Variants in SLC36A3 observed in about 807,000 individuals in gnomAD.
SLC36A3 encodes the protein proton-coupled amino acid transporter 3.
Under a neutral mutation model 44.3 loss-of-function variants are expected in SLC36A3, and 35 were observed. That is an observed-to-expected ratio of 0.79 (90% confidence interval 0.60 to 1.05). SLC36A3 has a LOEUF of 1.05. Ranked by LOEUF, SLC36A3 falls within the 50% of genes least tolerant of loss-of-function variation. The pLI is 0.00. For missense variants in SLC36A3, 540 were observed against 578.7 expected (o/e 0.93, Z 0.69); for synonymous variants, 211 against 227.6 (o/e 0.93, Z 0.66).
At chr5:151,290,810 G>A (rs1323836055) in intron 4 of SLC36A3, among the ~76,000 whole-genome samples, 2 of 152,026 alleles carry the variant, frequency 1.3e-5, no homozygotes, top group Non-Finnish European at 2.9e-5. Flanking sequence ...CAGGAGAATG[G>A]CATGAACCCG....
intron 7 of SLC36A3, 74 bp from the exon 8 acceptor site, chr5:151,284,284 G>A (rs538774451): frequency 2.0e-5 from 28 of 1,427,704 alleles, no homozygotes; most frequent in Middle Eastern, 1.8e-4. Context: ...GAGGGTTCCC[G>A]TACAAGCACA....
chr5:151,296,727 C>T (rs1458704638), intron 2 of SLC36A3: 1 of 160,476 alleles, frequency 6.2e-6, no homozygotes, highest in Non-Finnish European at 1.4e-5. Context: ...TTATCAGGAG[C>T]TGTCTTTTGC....
chr5:151,287,587 GAC>G (rs1203741145), intron 5 of SLC36A3, 123 bp from the exon 6 acceptor site: 1 of 866,554 alleles, frequency 1.2e-6, no homozygotes, highest in African/African-American at 1.7e-5. Flanking sequence ...TATTGCATAA[GAC>G]ACGCTCATAG....
At chr5:151,299,264 C>CTCTCTATATATATATA (rs1372309288) in intron 1 of SLC36A3, among the ~76,000 whole-genome samples, 28 of 59,642 alleles carry the variant, frequency 4.7e-4, no homozygotes, top group Middle Eastern at 0.01. Flanking sequence ...CTCTCTCTCT[C>CTCTCTATATATATATA]TATATATATA....
Position 151,277,637 on chromosome 5 carries a change from C to T in SLC36A3, c.1169G>A (p.Arg390His), listed in dbSNP as rs78176362. 7.4e-4 allele frequency: 1,194 copies of T among 1,613,992 alleles called. 3 individuals are homozygous for T. In the African/African-American group the frequency reaches 0.011, roughly 14 times the overall value. ...LTCVSAILIP[R>H]LDLVISLVGS... ...TACCAGGGAGATGACCAAGTCCAGG[C>T]GGGGGATGAGGATGGCTGAGACACC... Residue 390 changes from arginine to histidine, a missense_variant, in exon 10 of 10, where the codon CGC (arginine) becomes CAC (histidine). Coordinates refer to ENST00000335230, the MANE Select transcript of SLC36A3 (RefSeq NM_181774.4).
chr5:151,293,228 G>T, intron 4 of SLC36A3, 136 bp downstream of exon 4: 1 of 714,326 alleles, frequency 1.4e-6, no homozygotes, highest in Non-Finnish European at 2.3e-6. Context: ...TGGGGGATGG[G>T]GTTATCGAGG....
chr5:151,287,671 G>A (rs922933682), intron 5 of SLC36A3, among the ~76,000 whole-genome samples: 9 of 152,048 alleles, frequency 5.9e-5, no homozygotes, highest in Admixed American at 5.2e-4. Context: ...GCCAAATTGG[G>A]CAACCCTGTC....
intron 8 of SLC36A3, among the ~76,000 whole-genome samples, chr5:151,283,078 G>T (rs1754390992): frequency 6.6e-6 from 1 of 151,940 alleles, no homozygotes; most frequent in African/African-American, 2.4e-5. Context: ...CAGAGATGGG[G>T]TTTTGCCATG....
Position 151,281,649 on chromosome 5 carries a change from C to T in SLC36A3, c.975-466G>A, listed in dbSNP as rs945168179. On this transcript the variant is annotated intron_variant, in intron 8 of 9. Transcript: ENST00000335230. The stretch of plus-strand genomic sequence containing the variant: ...CCTGACCAATATGGTGAAAGCTCGT[C>T]TCTAATAAAAATACAAAAATTAGCT... Among the ~76,000 whole-genome samples, 5 of 152,072 alleles carry T rather than the reference C, an allele frequency of 3.3e-5. No individual in the cohort carries two copies. In the South Asian group the frequency reaches 8.3e-4, roughly 25 times the overall value.
chr5:151,298,645 A>G lies in SLC36A3; in HGVS notation c.167T>C (p.Ile56Thr). ...GGGAAGCCCCAGGAGCCCTGTGCCA[A>G]TGTTGCATTTCAACAAGTGGATCAA... The part of the protein sequence containing the change: ...QTLIHLLKCN[I>T]GTGLLGLPLA... The change falls in exon 2 of 10, where the codon ATT becomes ACT. Residue 56 changes from isoleucine to threonine, a missense_variant. By Grantham distance (89) the Ile-to-Thr change is moderately conservative. Coordinates refer to ENST00000335230, the MANE Select transcript of SLC36A3 (RefSeq NM_181774.4). 6.2e-7 allele frequency: 1 copy of G among 1,614,180 alleles called. No homozygotes were observed. The highest frequency in any genetic ancestry group is 1.3e-5 in the African/African-American group (1 of 75,038).
At position 151,288,615 on chromosome 5, in the gene SLC36A3, C is replaced by T. The variant is rs556635375; in HGVS notation, c.405-145G>A. The T allele has an allele frequency of 1.9e-4, 123 of 636,972 alleles. No individual in the cohort carries two copies. The South Asian group carries it at 3.5e-3, about 18-fold the overall frequency. 39.5% of individuals were successfully genotyped at this position (636,972 alleles called of 1,614,324 possible). On this transcript the variant is annotated intron_variant, in intron 4 of 9. Coordinates refer to ENST00000335230, the MANE Select transcript of SLC36A3 (RefSeq NM_181774.4). The stretch of plus-strand genomic sequence containing the variant: ...CTTTTATTTTGAAAAATTTTTAAGC[C>T]AAAAAGTTGAAAGAATAGTATAATT...
chr5:151,299,065 T>G (rs971640419), intron 1 of SLC36A3, among the ~76,000 whole-genome samples: 1 of 151,754 alleles, frequency 6.6e-6, no homozygotes. Flanking sequence ...AATGGAAAAA[T>G]TAGTAATAGT....
chr5:151,298,688 G>T lies in SLC36A3; in HGVS notation c.129-5C>A. 1 of 1,613,810 alleles carries T rather than the reference G, an allele frequency of 6.2e-7. No homozygotes were observed. Among genetic ancestry groups the T allele is most frequent in the Non-Finnish European group, 8.5e-7 (1 of 1,179,840 alleles). On this transcript the variant is annotated splice_region_variant and splice_polypyrimidine_tract_variant and intron_variant, in intron 1 of 9. Coordinates refer to ENST00000335230, the MANE Select transcript of SLC36A3 (RefSeq NM_181774.4). ...TGGATCAAAGTTTGCATCATCCTGT[G>T]GTGGGGAGAGTAGGGAGACAGAGGG...
intron 1 of SLC36A3, among the ~76,000 whole-genome samples, chr5:151,301,561 C>G (rs116083179): frequency 5.3e-5 from 8 of 151,966 alleles, no homozygotes; most frequent in Non-Finnish European, 1.0e-4. Flanking sequence ...GATCAATCAG[C>G]ACTCCCCACT....
intron 1 of SLC36A3, among the ~76,000 whole-genome samples, chr5:151,301,313 G>T (rs954599484): frequency 6.6e-6 from 1 of 152,146 alleles, no homozygotes; most frequent in African/African-American, 2.4e-5. Flanking sequence ...TTACAGTTTA[G>T]GGGTCATGCA....
At chr5:151,287,536 C>A in intron 5 of SLC36A3, 72 bp from the exon 6 acceptor site, 1 of 1,433,864 alleles carries the variant, frequency 7.0e-7, no homozygotes, top group Non-Finnish European at 9.6e-7. Flanking sequence ...ATTTGAATTT[C>A]AGGTAATTAA....
intron 4 of SLC36A3, 147 bp from the exon 5 acceptor site, chr5:151,288,617 A>G: frequency 1.6e-6 from 1 of 626,124 alleles, no homozygotes; most frequent in East Asian, 3.1e-5. Flanking sequence ...TTTTAAGCCA[A>G]AAAGTTGAAA....
At chr5:151,284,276 G>A in intron 7 of SLC36A3, 66 bp from the exon 8 acceptor site, 1 of 1,413,650 alleles carries the variant, frequency 7.1e-7, no homozygotes, top group Non-Finnish European at 9.6e-7. Context: ...GTGAAGGAGA[G>A]GGTTCCCGTA....
chr5:151,280,811 A>G (rs1372619369), intron 9 of SLC36A3, among the ~76,000 whole-genome samples: 1 of 152,242 alleles, frequency 6.6e-6, no homozygotes, highest in Non-Finnish European at 1.5e-5. Flanking sequence ...ATGTGTAGGC[A>G]GTAGAGACGA....
Sources: gnomAD v4.1 joint callset for allele counts (sites outside exome capture counted in the v4.1 genomes callset) on GRCh38, gnomAD v4.1.1 for gene constraint, MANE v1.5 for transcripts, NCBI Gene and HGNC (gene_info 2026-07-23, HGNC 2026-07-21) for gene names.